The following ASXL2 variants were observed in gnomAD, a reference collection of about 807,000 sequenced individuals.
The protein encoded by ASXL2 is putative Polycomb group protein ASXL2.
In ASXL2, 23 loss-of-function variants were observed where a neutral mutation model predicts 122.0. The ratio of observed to expected loss-of-function variants is 0.19; its 90% CI spans 0.14 to 0.27. ASXL2 has a LOEUF of 0.27. Among genes scored for constraint, ASXL2 ranks in the 10% least tolerant of loss-of-function variants. ASXL2 has a pLI of 1.00. For missense variants in ASXL2, 1,518 were observed against 1,713.8 expected (o/e 0.89, Z 2.02); for synonymous variants, 650 against 637.0 (o/e 1.02, Z -0.31).
intron 2 of ASXL2, 72 bp from the exon 3 acceptor site, chr2:25,835,612 C>T (rs2089501420): frequency 4.2e-6 from 1 of 239,286 alleles, no homozygotes; most frequent in Non-Finnish European, 9.1e-6. Flanking sequence ...TACAAAGCAA[C>T]AATAAAACCA....
chr2:25,860,436 C>T (rs888778917), intron 1 of ASXL2, among the ~76,000 whole-genome samples: 4 of 151,648 alleles, frequency 2.6e-5, no homozygotes, highest in Non-Finnish European at 5.9e-5. Context: ...AGAGATCTGG[C>T]TGGGTGCGGT....
chr2:25,868,142 A>C (rs146139038), intron 1 of ASXL2, among the ~76,000 whole-genome samples: 1 of 152,336 alleles, frequency 6.6e-6, no homozygotes, highest in East Asian at 1.9e-4. Flanking sequence ...GAACCTCTCA[A>C]ATCAGACAGG....
In ASXL2 at chr2:25,767,635, A is replaced by T; in HGVS notation, c.723T>A (p.Thr241=). The T allele has an allele frequency of 6.2e-7, 1 of 1,613,976 alleles. No homozygotes were observed. Among genetic ancestry groups the T allele is most frequent in the Non-Finnish European group, 8.5e-7 (1 of 1,179,866 alleles). ...ATGACTTCTTCCCCAAGCCTAGTAA[A>T]GTATTTTCCACTTTAACTGAGGAAG... ...SFSSSVKVEN[T]LLGLGKKSFQ... The change falls in exon 8 of 13, where the codon ACT becomes ACA. Residue 241 remains threonine, a synonymous_variant. Coordinates refer to ENST00000435504, the MANE Select transcript of ASXL2 (RefSeq NM_018263.6).
At position 25,834,140 on chromosome 2, in the gene ASXL2, G is replaced by A. The variant is rs563119101; in HGVS notation, c.143+1398C>T. On this transcript the variant is annotated intron_variant, in intron 3 of 12. Coordinates refer to ENST00000435504, the MANE Select transcript of ASXL2 (RefSeq NM_018263.6). ...GGCCAAGGCGGGCAGATCACTTGAG[G>A]TCAGGAAGTCAAGACCAGCCTGGCC... Among the ~76,000 whole-genome samples, 241 of 152,240 alleles carry A rather than the reference G, an allele frequency of 1.6e-3. 3 individuals carry two copies. The highest frequency in any genetic ancestry group is 5.6e-3 in the African/African-American group (232 of 41,536).
intron 1 of ASXL2, among the ~76,000 whole-genome samples, chr2:25,876,916 G>A (rs1172055833): frequency 6.6e-6 from 1 of 152,150 alleles, no homozygotes; most frequent in African/African-American, 2.4e-5. Flanking sequence ...AAATGCACAA[G>A]ACTGAATAAA....
chr2:25,797,688 C>T (rs2088930897), intron 5 of ASXL2, among the ~76,000 whole-genome samples: 1 of 152,162 alleles, frequency 6.6e-6, no homozygotes, highest in African/African-American at 2.4e-5. Flanking sequence ...CAACGAGATA[C>T]TACTACACAC....
chr2:25,853,473 T>C (rs544881883), intron 1 of ASXL2, among the ~76,000 whole-genome samples: 1 of 152,294 alleles, frequency 6.6e-6, no homozygotes, highest in Admixed American at 6.5e-5. Flanking sequence ...TACTAGCAAC[T>C]TCCTCATTCT....
At chr2:25,825,387 G>A (rs2089364158) in intron 3 of ASXL2, among the ~76,000 whole-genome samples, 1 of 152,114 alleles carries the variant, frequency 6.6e-6, no homozygotes, top group Non-Finnish European at 1.5e-5. Context: ...CAGTCACCCT[G>A]TTGAGCAACC....
intron 1 of ASXL2, among the ~76,000 whole-genome samples, chr2:25,860,012 T>C (rs10205052): frequency 0.012 from 1,889 of 151,978 alleles, 39 homozygotes; most frequent in African/African-American, 0.041. Context: ...AGCAAAACAT[T>C]GTCTCTTAAA....
At chr2:25,811,158 C>T (rs993759483) in intron 3 of ASXL2, among the ~76,000 whole-genome samples, 8 of 151,084 alleles carry the variant, frequency 5.3e-5, no homozygotes, top group African/African-American at 1.7e-4. Context: ...GAGGCTGAGG[C>T]GGGAAGATCA....
At chr2:25,822,252 TTTCTC>T (rs1344407918) in intron 3 of ASXL2, among the ~76,000 whole-genome samples, 2 of 152,240 alleles carry the variant, frequency 1.3e-5, no homozygotes, top group South Asian at 2.1e-4. Context: ...TTCCTACACT[TTTCTC>T]TTCTCCCCGA....
chr2:25,741,666 T>C lies in ASXL2; in HGVS notation c.*363A>G, dbSNP rs1443251606. On this transcript the variant is annotated 3_prime_UTR_variant, in exon 13 of 13. Transcript: ENST00000435504. The stretch of plus-strand genomic sequence containing the variant: ...GAAGGGAGACAGCTTCCTTTTACCA[T>C]GCCGGCATTAAACTTTTCTCAGTCA... 7.7e-6 allele frequency: 2 copies of C among 259,466 alleles called. No homozygotes were observed. The highest frequency in any genetic ancestry group is 4.3e-5 in the African/African-American group (2 of 46,064). 16.1% of individuals were successfully genotyped at this position (259,466 alleles called of 1,614,324 possible). A position where few individuals can be genotyped will look rare whatever the true frequency, so the allele number is the denominator to read the frequency against.
rs146746795 is a variant in ASXL2, at chr2:25,791,980, A to C, written c.403+7405T>G. On this transcript the variant is annotated intron_variant, in intron 5 of 12. Transcript: ENST00000435504. Reference sequence around the variant, plus strand: ...GACTGGAGAAGGCATGAGTGTAACAAGTAGTTTCTTTGCTTGTTTATTCAT... The same window carrying C: ...GACTGGAGAAGGCATGAGTGTAACACGTAGTTTCTTTGCTTGTTTATTCAT... Among the ~76,000 whole-genome samples the C allele has an allele frequency of 3.0e-3, 460 of 152,262 alleles. 1 individual carries two copies. The highest frequency in any genetic ancestry group is 5.4e-3 in the Admixed American group (83 of 15,290).
chr2:25,843,829 A>AAAAAAAG (rs1553704936), intron 2 of ASXL2, among the ~76,000 whole-genome samples: 1 of 151,162 alleles, frequency 6.6e-6, no homozygotes, highest in Non-Finnish European at 1.5e-5. Flanking sequence ...AAAAAAAAAA[A>AAAAAAAG]AAAGAAAGAA....
chr2:25,878,085 G>A, intron 1 of ASXL2, 81 bp downstream of exon 1: 2 of 1,569,684 alleles, frequency 1.3e-6, no homozygotes, highest in Non-Finnish European at 1.8e-6. Context: ...CCCTGGGCCA[G>A]TGACCTCCCT....
At chr2:25,869,041 T>G (rs1022798942) in intron 1 of ASXL2, among the ~76,000 whole-genome samples, 1 of 151,992 alleles carries the variant, frequency 6.6e-6, no homozygotes, top group East Asian at 1.9e-4. Flanking sequence ...GGCAGACGCC[T>G]GTAATCCCAG....
At chr2:25,771,343 A>T in intron 6 of ASXL2, 97 bp downstream of exon 6, 1 of 1,062,160 alleles carries the variant, frequency 9.4e-7, no homozygotes, top group South Asian at 1.7e-5. Context: ...CAAGGGCCCA[A>T]TGTAAAAAAT....
chr2:25,744,471 C>G lies in ASXL2; in HGVS notation c.1866G>C (p.Pro622=), dbSNP rs372643334. 6.3e-7 allele frequency: 1 copy of G among 1,589,956 alleles called. No homozygotes were observed. The highest frequency in any genetic ancestry group is 1.9e-5 in the Admixed American group (1 of 53,424). The change falls in exon 13 of 13, where the codon CCG becomes CCC. Residue 622 remains proline (P), a synonymous_variant. Transcript: ENST00000435504. The surrounding 1 kb of genome is among the most constrained non-coding windows in gnomAD (Gnocchi z 4.7). ...QVRKVPPLKI[P]VSRISPMPFH... is the part of the protein sequence containing the mutation. ...ACGGCATGGGGGAGATTCTGGAGAC[C>G]GGGATCTGAAAGAAGTAGAGGGGAA...
chr2:25,799,940 T>C (rs2088969712), intron 4 of ASXL2, among the ~76,000 whole-genome samples: 1 of 147,730 alleles, frequency 6.8e-6, no homozygotes, highest in Non-Finnish European at 1.5e-5. Flanking sequence ...AGACCAGGAG[T>C]TCAAGACCAG....
Sources: gnomAD v4.1 joint callset for allele counts (sites outside exome capture counted in the v4.1 genomes callset) on GRCh38, gnomAD v4.1.1 for gene constraint, Gnocchi (gnomAD v3.1) non-coding constraint, MANE v1.5 for transcripts, NCBI Gene and HGNC (gene_info 2026-07-23, HGNC 2026-07-21) for gene names.